The following SYNJ2BP variants were observed in gnomAD, a reference collection of about 807,000 sequenced individuals.
SYNJ2BP encodes synaptojanin-2-binding protein.
A neutral mutation model predicts 16.9 loss-of-function variants in SYNJ2BP; 10 were observed. The observed-to-expected ratio is 0.59, with a 90% CI of 0.36 to 1.00. SYNJ2BP has a LOEUF of 1.00. Among genes scored for constraint, SYNJ2BP ranks in the 50% least tolerant of loss-of-function variants. The pLI is 0.01. For missense variants in SYNJ2BP, 162 were observed against 186.7 expected (o/e 0.87, Z 0.77); for synonymous variants, 54 against 68.4 (o/e 0.79, Z 1.04).
chr14:70,376,457 C>T (rs574278789), intron 2 of SYNJ2BP, among the ~76,000 whole-genome samples: 2 of 152,322 alleles, frequency 1.3e-5, no homozygotes, highest in Admixed American at 1.3e-4. Flanking sequence ...TGTATTAATA[C>T]TTTTTGCAGT....
rs1005330856 is a variant in SYNJ2BP, at chr14:70,398,149, G to C, written c.65-9543C>G. On this transcript the variant is annotated intron_variant, in intron 1 of 3. Coordinates refer to ENST00000256366, the MANE Select transcript of SYNJ2BP (RefSeq NM_018373.3). ...AGCTGGTCATCCCATCTTCTCTGCT[G>C]TGGCTGAACCTGGGGCATTTATGGG... Among the ~76,000 whole-genome samples, 3 of 152,200 alleles carry C rather than the reference G, an allele frequency of 2.0e-5. No homozygotes were observed. In the East Asian group the frequency reaches 5.8e-4, roughly 30 times the overall value.
At chr14:70,384,888 C>T (rs1412887334) in intron 2 of SYNJ2BP, among the ~76,000 whole-genome samples, 1 of 152,098 alleles carries the variant, frequency 6.6e-6, no homozygotes, top group Admixed American at 6.6e-5. Flanking sequence ...CCCAGTCTCA[C>T]GTAGTATCTT....
rs200562676 is a variant in SYNJ2BP, at chr14:70,368,697, G to A, written c.*4294C>T. The A allele has an allele frequency of 9.1e-5, 3 of 32,864 alleles. No individual in the cohort carries two copies. The highest frequency in any genetic ancestry group is 3.3e-4 in the Non-Finnish European group (3 of 9,178). 2.0% of individuals were successfully genotyped at this position (32,864 alleles called of 1,614,324 possible). On this transcript the variant is annotated 3_prime_UTR_variant, in exon 4 of 4. Coordinates refer to ENST00000256366, the MANE Select transcript of SYNJ2BP (RefSeq NM_018373.3). ...GGCTCTAAAGGCCCAAGTTTTTGTT[G>A]TTGTTGTTGTTGTTGTTGTTTTGCC...
intron 2 of SYNJ2BP, among the ~76,000 whole-genome samples, chr14:70,385,280 T>C (rs8021610): frequency 0.87 from 132,542 of 152,150 alleles, 57,782 homozygotes; most frequent in East Asian, 0.93. Flanking sequence ...TTCTTTACAT[T>C]GAGGTTTATT....
intron 2 of SYNJ2BP, among the ~76,000 whole-genome samples, chr14:70,386,996 A>G (rs1887873613): frequency 6.6e-6 from 1 of 152,238 alleles, no homozygotes; most frequent in African/African-American, 2.4e-5. Flanking sequence ...GTTCTAAAAG[A>G]AAACAGGGAA....
rs1887450109 is a variant in SYNJ2BP at position 70,368,711 on chromosome 14, TG to T, written c.*4279del. 6.6e-6 allele frequency: 1 copy of T among 151,422 alleles called. No homozygotes were observed. The highest frequency in any genetic ancestry group is 1.5e-5 in the Non-Finnish European group (1 of 67,794). The allele number at this position is 151,422 out of a possible 1,614,324, so 9.4% of individuals were successfully genotyped here. A position where few individuals can be genotyped will look rare whatever the true frequency, so the allele number is the denominator to read the frequency against. On this transcript the variant is annotated 3_prime_UTR_variant, in exon 4 of 4. Transcript: ENST00000256366. ...AAGTTTTTGTTGTTGTTGTTGTTGT[TG>T]TTGTTTTGCCTGAAGCAATGTATGT...
intron 1 of SYNJ2BP, among the ~76,000 whole-genome samples, chr14:70,401,046 C>T (rs994432372): frequency 1.3e-5 from 2 of 152,136 alleles, no homozygotes; most frequent in African/African-American, 4.8e-5. Flanking sequence ...ATATATAACA[C>T]TTATGGGACA....
intron 1 of SYNJ2BP, among the ~76,000 whole-genome samples, chr14:70,399,575 C>T (rs1888189343): frequency 6.6e-6 from 1 of 152,226 alleles, no homozygotes; most frequent in South Asian, 2.1e-4. Flanking sequence ...ATAGGGGACC[C>T]ACCACTGCCA....
chr14:70,372,862 A>C lies in SYNJ2BP; in HGVS notation c.*129T>G. The C allele has an allele frequency of 7.4e-7, 1 of 1,343,640 alleles. No homozygotes were observed. Among genetic ancestry groups the C allele is most frequent in the South Asian group, 1.4e-5 (1 of 71,018 alleles). The allele number at this position is 1,343,640 out of a possible 1,614,324, so 83.2% of individuals were successfully genotyped here. A position where few individuals can be genotyped will look rare whatever the true frequency, so the allele number is the denominator to read the frequency against. On this transcript the variant is annotated 3_prime_UTR_variant, in exon 4 of 4. Transcript: ENST00000256366. ...GAAGAATTGGAGACTGTGAACAGCA[A>C]GGTTTGGGGTGGGTATCAGTCACTT...
At chr14:70,391,692 G>T (rs1425331345) in intron 1 of SYNJ2BP, among the ~76,000 whole-genome samples, 1 of 152,034 alleles carries the variant, frequency 6.6e-6, no homozygotes, top group Admixed American at 6.5e-5. Context: ...CAACAGAAAG[G>T]ACTTTGCTAC....
intron 1 of SYNJ2BP, among the ~76,000 whole-genome samples, chr14:70,399,085 G>A (rs1045796045): frequency 2.6e-5 from 4 of 152,102 alleles, no homozygotes; most frequent in Non-Finnish European, 2.9e-5. Flanking sequence ...TGCAGTGCCC[G>A]TGGTGGGTGG....
intron 2 of SYNJ2BP, among the ~76,000 whole-genome samples, chr14:70,387,266 T>TA (rs1350314749): frequency 6.6e-6 from 1 of 152,234 alleles, no homozygotes; most frequent in Non-Finnish European, 1.5e-5. Flanking sequence ...TTCTACAGAA[T>TA]AATTATCTCC....
intron 3 of SYNJ2BP, among the ~76,000 whole-genome samples, chr14:70,373,775 T>A (rs1887567956): frequency 6.6e-6 from 1 of 152,244 alleles, no homozygotes; most frequent in Non-Finnish European, 1.5e-5. Context: ...CTAGTGCTTA[T>A]AATTTTCTAT....
rs930154016 is a variant in SYNJ2BP, at chr14:70,408,043, C to T, written c.64+8857G>A. ...TTACACCTAGGTCAGGAATTTCTAA[C>T]ATTTCCAGTTCTAGGGAAATCTCAC... On this transcript the variant is annotated intron_variant, in intron 1 of 3. Transcript: ENST00000256366. Among the ~76,000 whole-genome samples the T allele has an allele frequency of 7.9e-5, 12 of 151,372 alleles. 1 individual carries two copies. The highest frequency in any genetic ancestry group is 1.8e-4 in the Non-Finnish European group (12 of 67,948).
At position 70,388,106 on chromosome 14, in the gene SYNJ2BP, G is replaced by A. The variant is rs953039626; in HGVS notation, c.201+364C>T. ...TTATAAGGGCTGACATTCCCCCAAA[G>A]GAAGATACACATTAGTGTTTTAATC... On this transcript the variant is annotated intron_variant, in intron 2 of 3. Transcript: ENST00000256366. Among the ~76,000 whole-genome samples the A allele has an allele frequency of 2.6e-5, 4 of 152,132 alleles. No homozygotes were observed. In the South Asian group the frequency reaches 8.3e-4, roughly 31 times the overall value.
In SYNJ2BP at chr14:70,416,975, C is replaced by G. The variant is rs199933124; in HGVS notation, c.-12G>C. ...ACTCTTCCGTTCATGTTTTACAGCT[C>G]GTCTGGCTTCCTACTTGGGTCAGCT... On this transcript the variant is annotated 5_prime_UTR_variant, in exon 1 of 4. Coordinates refer to ENST00000256366, the MANE Select transcript of SYNJ2BP (RefSeq NM_018373.3). 1 of 1,614,046 alleles carries G rather than the reference C, an allele frequency of 6.2e-7. No individual in the cohort carries two copies. The highest frequency in any genetic ancestry group is 8.5e-7 in the Non-Finnish European group (1 of 1,180,024).
rs118025816 is a variant in SYNJ2BP, at chr14:70,415,059, C to T, written c.64+1841G>A. Among the ~76,000 whole-genome samples the T allele has an allele frequency of 8.2e-3, 1,242 of 152,028 alleles. 8 individuals carry two copies. The highest frequency in any genetic ancestry group is 0.01 in the Non-Finnish European group (694 of 68,004). ...CTAATCCATTAAGATTAGTGATAGG[C>T]CAGGCATGATGGCTCATGACTGTAA... On this transcript the variant is annotated intron_variant, in intron 1 of 3. Coordinates refer to ENST00000256366, the MANE Select transcript of SYNJ2BP (RefSeq NM_018373.3).
chr14:70,394,423 G>A (rs1265283493), intron 1 of SYNJ2BP, among the ~76,000 whole-genome samples: 9 of 151,522 alleles, frequency 5.9e-5, no homozygotes, highest in African/African-American at 2.2e-4. Context: ...AAGGAGTTGA[G>A]GGGAGAGGCA....
chr14:70,369,586 T>C lies in SYNJ2BP; in HGVS notation c.*3405A>G, dbSNP rs965171178. 1 of 152,224 alleles carries C rather than the reference T, an allele frequency of 6.6e-6. No individual in the cohort carries two copies. The highest frequency in any genetic ancestry group is 2.4e-5 in the African/African-American group (1 of 41,454). 9.4% of individuals were successfully genotyped at this position (152,224 alleles called of 1,614,324 possible). A position where few individuals can be genotyped will look rare whatever the true frequency, so the allele number is the denominator to read the frequency against. On this transcript the variant is annotated 3_prime_UTR_variant, in exon 4 of 4. Coordinates refer to ENST00000256366, the MANE Select transcript of SYNJ2BP (RefSeq NM_018373.3). Reference sequence around the variant, plus strand: ...TTTTTTCTCTCATTTTTAGTCTCTTTGTGACAATACTTAGATCCCAGAGTT... The same window carrying C: ...TTTTTTCTCTCATTTTTAGTCTCTTCGTGACAATACTTAGATCCCAGAGTT...
Sources: allele counts gnomAD v4.1 joint callset (sites outside exome capture counted in the v4.1 genomes callset), GRCh38; gene constraint gnomAD v4.1.1; transcripts MANE v1.5; gene names NCBI Gene and HGNC (gene_info 2026-07-23, HGNC 2026-07-21).